GPR160: variants seen among roughly 807,000 people sequenced by gnomAD.
The protein encoded by GPR160 is probable G protein-coupled receptor 160.
Under a neutral mutation model 2.6 loss-of-function variants are expected in GPR160, and 2 were observed. The observed-to-expected ratio is 0.77, with a 90% confidence interval of 0.32 to 2.44. GPR160 has a LOEUF of 2.44. GPR160 is among the 30% of genes most tolerant of loss of function. The pLI, the probability that GPR160 is intolerant of heterozygous loss-of-function variation, is 0.11. For missense variants in GPR160, 351 were observed against 383.6 expected, an observed-to-expected ratio of 0.91 and a Z score of 0.71; for synonymous variants, 130 against 132.2, an observed-to-expected ratio of 0.98 and a Z score of 0.12.
chr3:170,082,380 T>C lies in GPR160; in HGVS notation c.-68-1525T>C, dbSNP rs564456809. 1.5e-4 allele frequency among the ~76,000 whole-genome samples: 23 copies of C among 152,304 alleles called. No individual in the cohort carries two copies. In the South Asian group the frequency reaches 4.8e-3, roughly 32 times the overall value. ...CTCCTATCCTGAGAAACATTTTTAA[T>C]GGCTGCATATCATAAAGATGACCAT... On this transcript the variant is annotated intron_variant, in intron 3 of 3. Transcript: ENST00000355897.
rs548241662 is a variant in GPR160 at position 170,085,010 on chromosome 3, A to G, written c.*21A>G. On this transcript the variant is annotated 3_prime_UTR_variant, in exon 4 of 4. Coordinates refer to ENST00000355897, the MANE Select transcript of GPR160 (RefSeq NM_014373.3). Reference sequence around the variant, plus strand: ...GTTAATATTATTAATTAAAAGTTACAGCTGTCATAAGATCATAATTTTATG... The same window carrying G: ...GTTAATATTATTAATTAAAAGTTACGGCTGTCATAAGATCATAATTTTATG... 3 of 1,217,638 alleles carry G rather than the reference A, an allele frequency of 2.5e-6. No individual in the cohort carries two copies. Among genetic ancestry groups the G allele is most frequent in the South Asian group, 1.6e-5 (1 of 62,028 alleles). The allele number at this position is 1,217,638 out of a possible 1,614,324, so 75.4% of individuals were successfully genotyped here. A position where few individuals can be genotyped will look rare whatever the true frequency, so the allele number is the denominator to read the frequency against.
rs761859494 is a variant in GPR160, at chr3:170,084,619, A to G, written c.647A>G (p.Tyr216Cys). The change falls in exon 4 of 4, where the codon TAT becomes TGT. Residue 216 changes from tyrosine (Y) to cysteine (C), a missense_variant. Transcript: ENST00000355897. ...GTACAGGCTATCAGGATAACTTCCT[A>G]TATGAATGAAACTATCTTATATTTT... ...TLVQAIRITS[Y>C]MNETILYFPF... The G allele has an allele frequency of 1.2e-6, 2 of 1,612,006 alleles. No homozygotes were observed. Among genetic ancestry groups the G allele is most frequent in the South Asian group, 1.1e-5 (1 of 91,032 alleles).
intron 2 of GPR160, among the ~76,000 whole-genome samples, chr3:170,055,470 C>T (rs570534536): frequency 4.6e-5 from 7 of 151,952 alleles, no homozygotes; most frequent in African/African-American, 1.5e-4. Context: ...TTCAGAAGCC[C>T]GGGATGGAGA....
chr3:170,065,734 T>G (rs1712293697), intron 2 of GPR160, among the ~76,000 whole-genome samples: 1 of 152,236 alleles, frequency 6.6e-6, no homozygotes, highest in South Asian at 2.1e-4. Flanking sequence ...CTTAAATTAT[T>G]TGTGTAATTG....
Position 170,084,790 on chromosome 3 carries a change from T to C in GPR160, c.818T>C (p.Ile273Thr), listed in dbSNP as rs146985269. 3.1e-4 allele frequency: 505 copies of C among 1,604,668 alleles called. 5 individuals carry two copies. The East Asian group carries it at 0.011, about 35-fold the overall frequency. Residue 273 changes from isoleucine to threonine, a missense_variant, in exon 4 of 4, where the codon ATT becomes ACT. Coordinates refer to ENST00000355897, the MANE Select transcript of GPR160 (RefSeq NM_014373.3). ...CTTAAAGTTCAGATTCCAGCATATA[T>C]TGAGATGAATATTCCCTGGTTATAC... ...VLLKVQIPAYIEMNIPWLYFV... is the reference protein window; with the variant it reads ...VLLKVQIPAYTEMNIPWLYFV...
intron 2 of GPR160, among the ~76,000 whole-genome samples, chr3:170,073,880 GATT>G (rs1712720858): frequency 7.1e-6 from 1 of 139,876 alleles, no homozygotes; most frequent in Admixed American, 7.3e-5. Flanking sequence ...CTTTAATAGG[GATT>G]TTTTTTTTTT....
chr3:170,062,272 C>G (rs1014586544), intron 2 of GPR160: 14 of 200,152 alleles, frequency 7.0e-5, no homozygotes, highest in African/African-American at 3.3e-4. Context: ...TCCCGTGCGG[C>G]GGAGGCAGCA....
At chr3:170,054,524 A>AC (rs1369059134) in intron 2 of GPR160, among the ~76,000 whole-genome samples, 2 of 152,168 alleles carry the variant, frequency 1.3e-5, no homozygotes, top group Non-Finnish European at 2.9e-5. Flanking sequence ...GGCACTAAGT[A>AC]CATTCACATT....
intron 2 of GPR160, among the ~76,000 whole-genome samples, chr3:170,061,426 A>G (rs924574755): frequency 2.0e-5 from 3 of 152,132 alleles, no homozygotes; most frequent in Non-Finnish European, 4.4e-5. Context: ...AATATGGACT[A>G]TGTATTAGAT....
intron 2 of GPR160, among the ~76,000 whole-genome samples, chr3:170,041,660 A>G (rs944985770): frequency 2.0e-5 from 3 of 152,236 alleles, no homozygotes; most frequent in African/African-American, 7.2e-5. Flanking sequence ...TAATGAGACA[A>G]CCAACAAAAA....
At chr3:170,076,992 C>A (rs568552953) in intron 2 of GPR160, 1 of 152,144 alleles carries the variant, frequency 6.6e-6, no homozygotes, top group East Asian at 1.9e-4. Context: ...GTCATGGGAC[C>A]TAGGGAAATG....
intron 2 of GPR160, among the ~76,000 whole-genome samples, chr3:170,063,552 C>CAAAAAAAAAAAAAAAAA (rs528295183): frequency 1.4e-4 from 11 of 78,926 alleles, no homozygotes; most frequent in African/African-American, 3.6e-4. Context: ...ACAAAAAAAG[C>CAAAAAAAAAAAAAAAAA]AAAAAAAAAA....
intron 2 of GPR160, among the ~76,000 whole-genome samples, chr3:170,071,694 G>A (rs1007580006): frequency 1.3e-5 from 2 of 152,180 alleles, no homozygotes; most frequent in Non-Finnish European, 2.9e-5. Context: ...TACTCGGGAG[G>A]CTGAGGTAGG....
intron 2 of GPR160, among the ~76,000 whole-genome samples, chr3:170,064,757 A>G (rs938222797): frequency 6.6e-6 from 1 of 151,800 alleles, no homozygotes. Context: ...TGATCTCGTC[A>G]TCCGCCCGCC....
intron 2 of GPR160, among the ~76,000 whole-genome samples, chr3:170,056,818 G>T (rs1576896711): frequency 6.6e-6 from 1 of 152,252 alleles, no homozygotes; most frequent in East Asian, 1.9e-4. Flanking sequence ...GGCAGAAAAA[G>T]CCTATGGGCC....
rs928895902 is a variant in GPR160, at chr3:170,043,016, G to T, written c.-193+3973G>T. ...CCTGCCTCAGCCTCCCCAGTAGCTG[G>T]GACTACAGGTGCCCACCACCACGCC... On this transcript the variant is annotated intron_variant, in intron 2 of 3. Coordinates refer to ENST00000355897, the MANE Select transcript of GPR160 (RefSeq NM_014373.3). Among the ~76,000 whole-genome samples, 6 of 151,172 alleles carry T rather than the reference G, an allele frequency of 4.0e-5. No homozygotes were observed. The Admixed American group carries it at 4.0e-4, about 10-fold the overall frequency.
intron 2 of GPR160, chr3:170,057,260 G>A (rs1242499288): frequency 6.6e-6 from 1 of 152,198 alleles, no homozygotes; most frequent in Non-Finnish European, 1.5e-5. Flanking sequence ...CTCTCCAGCA[G>A]GGGCAACCAG....
intron 2 of GPR160, among the ~76,000 whole-genome samples, chr3:170,071,283 G>A (rs1023393466): frequency 2.6e-5 from 4 of 152,138 alleles, no homozygotes; most frequent in Non-Finnish European, 4.4e-5. Context: ...TCCCCTTGGT[G>A]GTAAGTGAGC....
intron 2 of GPR160, among the ~76,000 whole-genome samples, chr3:170,040,830 T>G (rs753517857): frequency 3.3e-5 from 5 of 152,218 alleles, no homozygotes; most frequent in Admixed American, 6.5e-5. Flanking sequence ...GTGTTGCCTA[T>G]TTCATCTTTA....
Sources: gnomAD v4.1 joint callset for allele counts (sites outside exome capture counted in the v4.1 genomes callset) on GRCh38, gnomAD v4.1.1 for gene constraint, MANE v1.5 for transcripts, NCBI Gene and HGNC (gene_info 2026-07-23, HGNC 2026-07-21) for gene names.